HEG1: variants seen among roughly 807,000 people sequenced by gnomAD.
HEG1 encodes the protein heart development protein with EGF like domains 1.
Under a neutral mutation model 125.6 loss-of-function variants are expected in HEG1, and 56 were observed. The ratio of observed to expected loss-of-function variants is 0.45; its 90% confidence interval spans 0.36 to 0.56. HEG1 has a LOEUF of 0.56. Among genes scored for constraint, HEG1 ranks in the 20% least tolerant of loss-of-function variants. The pLI, the probability that HEG1 is intolerant of heterozygous loss-of-function variation, is 0.00. For synonymous variants in HEG1, 644 were observed against 668.5 expected (o/e 0.96, Z 0.57); for missense variants, 1,523 against 1,670.0 (o/e 0.91, Z 1.53).
intron 3 of HEG1, among the ~76,000 whole-genome samples, chr3:125,024,758 C>G (rs537575739): frequency 8.5e-4 from 130 of 152,270 alleles, no homozygotes; most frequent in African/African-American, 3.0e-3. Flanking sequence ...AAGAGTGAAA[C>G]GAGGCACAGA....
chr3:125,045,697 C>G (rs1937652396), intron 1 of HEG1, among the ~76,000 whole-genome samples: 1 of 152,218 alleles, frequency 6.6e-6, no homozygotes, highest in African/African-American at 2.4e-5. Flanking sequence ...CTACCTCTTC[C>G]TGATGCCTGA....
At chr3:125,036,326 A>T (rs551702416) in intron 1 of HEG1, among the ~76,000 whole-genome samples, 33 of 148,418 alleles carry the variant, frequency 2.2e-4, no homozygotes, top group Admixed American at 4.0e-4. Flanking sequence ...AACCAAAATT[A>T]AAAAAAAAAT....
Position 124,966,051 on chromosome 3 carries a change from C to G in HEG1, c.*4601G>C, listed in dbSNP as rs1340105431. 6.6e-6 allele frequency: 1 copy of G among 152,182 alleles called. No homozygotes were observed. Among genetic ancestry groups the G allele is most frequent in the African/African-American group, 2.4e-5 (1 of 41,446 alleles). 9.4% of individuals were successfully genotyped at this position (152,182 alleles called of 1,614,324 possible). ...AGCAACTCATGATGAAACAGTCGTT[C>G]TCTTTTTAGGACAGGCCAAGGTTAA... On this transcript the variant is annotated 3_prime_UTR_variant, in exon 17 of 17. Coordinates refer to ENST00000311127, the MANE Select transcript of HEG1 (RefSeq NM_020733.2).
intron 1 of HEG1, among the ~76,000 whole-genome samples, chr3:125,044,466 A>G (rs1937632618): frequency 6.6e-6 from 1 of 152,192 alleles, no homozygotes; most frequent in African/African-American, 2.4e-5. Flanking sequence ...GCCAAAACGT[A>G]GGTAGCATCC....
intron 1 of HEG1, among the ~76,000 whole-genome samples, chr3:125,054,709 T>C (rs1228301989): frequency 1.3e-5 from 2 of 152,202 alleles, no homozygotes; most frequent in African/African-American, 4.8e-5. Flanking sequence ...CCATTTATTT[T>C]TACTTTCATT....
At chr3:125,043,035 G>C (rs1476668988) in intron 1 of HEG1, among the ~76,000 whole-genome samples, 2 of 152,210 alleles carry the variant, frequency 1.3e-5, no homozygotes, top group Non-Finnish European at 2.9e-5. Context: ...TTCCTTCCTT[G>C]TTCTTGCTCT....
Position 124,973,849 on chromosome 3 carries a change from G to A in HEG1, c.3878C>T (p.Ser1293Phe). The A allele has an allele frequency of 6.2e-7, 1 of 1,612,876 alleles. No individual in the cohort carries two copies. Among genetic ancestry groups the A allele is most frequent in the Non-Finnish European group, 8.5e-7 (1 of 1,179,120 alleles). ...ATTTTTGGGGTATTCAGCATACGGG[G>A]ACATTTGGAAATCTCCACTTTTGAA... ...LIFKSGDFQM[S>F]PYAEYPKNPR... Residue 1293 changes from serine (S) to phenylalanine (F), a missense_variant, in exon 16 of 17, where the codon TCC becomes TTC. Transcript: ENST00000311127.
intron 14 of HEG1, among the ~76,000 whole-genome samples, chr3:124,982,467 C>A (rs1936672010): frequency 6.6e-6 from 1 of 152,144 alleles, no homozygotes; most frequent in Admixed American, 6.5e-5. Context: ...CTTTTTAGTG[C>A]AAAAAGATTT....
chr3:124,977,524 A>C (rs1936568826), intron 15 of HEG1, among the ~76,000 whole-genome samples: 2 of 152,198 alleles, frequency 1.3e-5, no homozygotes, highest in African/African-American at 4.8e-5. Context: ...CATATTTGCA[A>C]GTATGGGTTG....
intron 12 of HEG1, among the ~76,000 whole-genome samples, chr3:124,994,029 A>C (rs917521890): frequency 6.6e-6 from 1 of 152,200 alleles, no homozygotes; most frequent in East Asian, 1.9e-4. Context: ...CTAGAGCAGC[A>C]GTCCCCACGT....
chr3:125,053,036 C>T (rs150021908), intron 1 of HEG1, among the ~76,000 whole-genome samples: 26 of 152,362 alleles, frequency 1.7e-4, no homozygotes, highest in African/African-American at 6.3e-4. Flanking sequence ...CTGCAGGAAG[C>T]TTCTCCAACA....
intron 8 of HEG1, among the ~76,000 whole-genome samples, chr3:125,008,292 G>GAA (rs1203639576): frequency 6.6e-6 from 1 of 152,122 alleles, no homozygotes; most frequent in African/African-American, 2.4e-5. Context: ...CTTGATCTTT[G>GAA]TATTTTAAAC....
At chr3:125,020,173 TC>T (rs1381285393) in intron 4 of HEG1, among the ~76,000 whole-genome samples, 1 of 152,206 alleles carries the variant, frequency 6.6e-6, no homozygotes, top group Non-Finnish European at 1.5e-5. Flanking sequence ...ATGCCTGTAA[TC>T]CCAGCACTTT....
chr3:124,975,038 T>A (rs541536904), intron 15 of HEG1, among the ~76,000 whole-genome samples: 3 of 152,328 alleles, frequency 2.0e-5, no homozygotes, highest in Admixed American at 1.3e-4. Context: ...GCGCTCAGGT[T>A]ATGTCCCTCT....
rs1339296454 is a variant in HEG1 at position 125,020,947 on chromosome 3, G to A, written c.1097C>T (p.Ala366Val). ...TEGFPKDSRI[A>V]TTSSSVLLSP... ...AAGAAGGACTGAGGATGAAGTCGTG[G>A]CAATTCTGGAGTCCTTGGGGAAGCC... The change falls in exon 4 of 17, where the codon GCC becomes GTC. Residue 366 changes from alanine to valine, a missense_variant. Transcript: ENST00000311127. The A allele has an allele frequency of 6.2e-7, 1 of 1,613,968 alleles. No individual in the cohort carries two copies.
At chr3:124,977,828 C>T (rs367623834) in intron 15 of HEG1, 31 bp downstream of exon 15, 17 of 1,429,914 alleles carry the variant, frequency 1.2e-5, no homozygotes, top group Middle Eastern at 1.7e-4. Context: ...GGCAAAGGAA[C>T]GGGATTGGAA....
intron 11 of HEG1, among the ~76,000 whole-genome samples, chr3:124,999,371 A>G (rs1273120622): frequency 1.3e-5 from 2 of 152,344 alleles, no homozygotes; most frequent in Admixed American, 6.5e-5. Context: ...ATGAACTTCC[A>G]CAATCCCTCA....
intron 14 of HEG1, among the ~76,000 whole-genome samples, chr3:124,983,138 T>C (rs1319436263): frequency 6.6e-6 from 1 of 152,210 alleles, no homozygotes; most frequent in Non-Finnish European, 1.5e-5. Context: ...ATTCTTCCAA[T>C]AAACTCTCTT....
chr3:124,973,788 T>G lies in HEG1; in HGVS notation c.3939A>C (p.Glu1313Asp). 6.2e-7 allele frequency: 1 copy of G among 1,613,946 alleles called. No homozygotes were observed. Among genetic ancestry groups the G allele is most frequent in the East Asian group, 2.2e-5 (1 of 44,884 alleles). Residue 1313 changes from glutamate to aspartate, a missense_variant, in exon 16 of 17, where the codon GAA becomes GAC. By Grantham distance (45) the Glu-to-Asp change is conservative. Transcript: ENST00000311127. ...TTTTGGTACTTCCATTCTCATGCAT[T>G]TCAATAGCTTCTCGGCCCCATTCTT... The part of the protein sequence containing the change: ...RSQEWGREAI[E>D]MHENGSTKNL...
Sources: gnomAD v4.1 joint callset for allele counts (sites outside exome capture counted in the v4.1 genomes callset) on GRCh38, gnomAD v4.1.1 for gene constraint, MANE v1.5 for transcripts, NCBI Gene and HGNC (gene_info 2026-07-23, HGNC 2026-07-21) for gene names.